The following NOL4 variants were observed in gnomAD, a reference collection of about 807,000 sequenced individuals.
NOL4 encodes the protein nucleolar protein 4, also known as cancer/testis antigen 125.
A neutral mutation model predicts 75.9 loss-of-function variants in NOL4; 17 were observed. That is an observed-to-expected ratio of 0.22 (90% CI 0.15 to 0.34). The LOEUF (loss-of-function observed/expected upper bound fraction) is 0.34, where lower values mean the gene tolerates loss of function less well. Ranked by LOEUF, NOL4 falls within the 10% of genes least tolerant of loss-of-function variation. The pLI is 1.00. For missense variants in NOL4, 614 were observed against 793.5 expected (o/e 0.77, Z 2.72); for synonymous variants, 292 against 289.9 (o/e 1.01, Z -0.07).
chr18:34,151,786 T>A (rs1290721704), intron 1 of NOL4, among the ~76,000 whole-genome samples: 1 of 151,908 alleles, frequency 6.6e-6, no homozygotes, highest in Non-Finnish European at 1.5e-5. Context: ...GGGGTGCTTA[T>A]GAGCTTGTGA....
intron 10 of NOL4, among the ~76,000 whole-genome samples, chr18:33,862,952 C>T (rs1345482902): frequency 3.3e-5 from 5 of 152,196 alleles, no homozygotes; most frequent in African/African-American, 4.8e-5. Context: ...AATCATGCTG[C>T]TATAAAGACA....
At chr18:34,028,529 C>T (rs979797097) in intron 5 of NOL4, among the ~76,000 whole-genome samples, 3 of 152,200 alleles carry the variant, frequency 2.0e-5, no homozygotes, top group Non-Finnish European at 2.9e-5. Context: ...CCAAGGCAGG[C>T]GCCTGACCAA....
chr18:34,187,755 C>A (rs2034601939), intron 1 of NOL4, among the ~76,000 whole-genome samples: 1 of 152,152 alleles, frequency 6.6e-6, no homozygotes, highest in Non-Finnish European at 1.5e-5. Context: ...CAATCACCTG[C>A]TGAAGAACTT....
intron 4 of NOL4, among the ~76,000 whole-genome samples, chr18:34,098,102 C>T (rs1231878738): frequency 6.6e-6 from 1 of 152,058 alleles, no homozygotes; most frequent in African/African-American, 2.4e-5. Flanking sequence ...AAGATGGCTA[C>T]CATGGATCCC....
intron 1 of NOL4, among the ~76,000 whole-genome samples, chr18:34,143,239 T>C (rs530002713): frequency 4.6e-5 from 7 of 152,302 alleles, no homozygotes; most frequent in Middle Eastern, 3.4e-3. Context: ...TGCTGGTAAC[T>C]ATTTAAGACT....
At chr18:33,926,116 C>T (rs2067306459) in intron 9 of NOL4, among the ~76,000 whole-genome samples, 1 of 152,006 alleles carries the variant, frequency 6.6e-6, no homozygotes, top group Admixed American at 6.6e-5. Flanking sequence ...AATCCCAGCA[C>T]TCTGGGAGCC....
chr18:34,157,447 T>A (rs1316098056), intron 1 of NOL4, among the ~76,000 whole-genome samples: 3 of 152,088 alleles, frequency 2.0e-5, no homozygotes, highest in Admixed American at 2.0e-4. Context: ...ACAGGTTGAA[T>A]TTGAGATGCC....
At chr18:33,904,107 A>G (rs2065896177) in intron 9 of NOL4, among the ~76,000 whole-genome samples, 1 of 152,032 alleles carries the variant, frequency 6.6e-6, no homozygotes, top group Non-Finnish European at 1.5e-5. Context: ...TACTTGAAAA[A>G]GTTATAATGG....
intron 5 of NOL4, among the ~76,000 whole-genome samples, chr18:34,081,747 G>A (rs926155921): frequency 7.2e-5 from 11 of 152,150 alleles, no homozygotes; most frequent in Non-Finnish European, 1.5e-4. Flanking sequence ...AAAGAGGGCA[G>A]CCACATTTTC....
chr18:34,063,359 A>C (rs920044556), intron 5 of NOL4, among the ~76,000 whole-genome samples: 1 of 152,054 alleles, frequency 6.6e-6, no homozygotes, highest in African/African-American at 2.4e-5. Flanking sequence ...ATTAAGTGGA[A>C]TTTTCAGTCC....
intron 9 of NOL4, among the ~76,000 whole-genome samples, chr18:33,935,655 G>C (rs1339105817): frequency 6.6e-6 from 1 of 152,128 alleles, no homozygotes; most frequent in South Asian, 2.1e-4. Context: ...ACCACATGCT[G>C]TTGGAAAAAT....
intron 6 of NOL4, among the ~76,000 whole-genome samples, chr18:34,015,462 C>T (rs956120389): frequency 1.3e-5 from 2 of 152,050 alleles, no homozygotes; most frequent in African/African-American, 4.8e-5. Context: ...AAATGCTCCA[C>T]ATTTTGGCTT....
intron 1 of NOL4, among the ~76,000 whole-genome samples, chr18:34,148,374 C>T (rs1037763384): frequency 6.6e-6 from 1 of 152,032 alleles, no homozygotes; most frequent in African/African-American, 2.4e-5. Context: ...TTCCTGTAAA[C>T]ACTGCCTTAG....
chr18:33,889,580 T>A (rs1030923426), intron 9 of NOL4, among the ~76,000 whole-genome samples: 2 of 151,838 alleles, frequency 1.3e-5, no homozygotes, highest in Admixed American at 1.3e-4. Flanking sequence ...TAGAGACACA[T>A]CAAAAAAAGA....
intron 1 of NOL4, among the ~76,000 whole-genome samples, chr18:34,175,479 T>C (rs1314793370): frequency 3.9e-5 from 6 of 152,144 alleles, no homozygotes; most frequent in African/African-American, 1.4e-4. Context: ...CTGCAGCATA[T>C]TCCCTAGGAA....
chr18:34,045,809 C>T (rs1277402278), intron 5 of NOL4, among the ~76,000 whole-genome samples: 1 of 152,080 alleles, frequency 6.6e-6, no homozygotes, highest in Non-Finnish European at 1.5e-5. Context: ...ATCAAATATG[C>T]TCAAATCAAA....
chr18:34,042,804 TC>T (rs750369840), intron 5 of NOL4, among the ~76,000 whole-genome samples: 26 of 152,102 alleles, frequency 1.7e-4, no homozygotes, highest in Non-Finnish European at 3.5e-4. Context: ...CCTCACATTC[TC>T]CTTTCTGTCA....
intron 6 of NOL4, among the ~76,000 whole-genome samples, chr18:33,977,232 A>G (rs6507073): frequency 0.37 from 55,733 of 151,908 alleles, 10,646 homozygotes; most frequent in Non-Finnish European, 0.41. Context: ...TGAATAGTGG[A>G]GTTGCAATTT....
intron 9 of NOL4, among the ~76,000 whole-genome samples, chr18:33,917,632 C>A (rs1251319703): frequency 6.6e-6 from 1 of 151,940 alleles, no homozygotes; most frequent in African/African-American, 2.4e-5. Context: ...GTAGCTGGGA[C>A]TACAGGTGGG....
Sources: gnomAD v4.1 joint callset for allele counts (sites outside exome capture counted in the v4.1 genomes callset) on GRCh38, gnomAD v4.1.1 for gene constraint, MANE v1.5 for transcripts, NCBI Gene and HGNC (gene_info 2026-07-23, HGNC 2026-07-21) for gene names.